Variants in C5orf58 observed in about 807,000 individuals in gnomAD.
C5orf58 encodes the protein chromosome 5 open reading frame 58.
In C5orf58, 2 loss-of-function variants were observed where a neutral mutation model predicts 2.9. The observed-to-expected ratio is 0.69, with a 90% CI of 0.28 to 2.18. The LOEUF (loss-of-function observed/expected upper bound fraction) is 2.18. Among genes scored for constraint, C5orf58 ranks in the 30% most tolerant of loss-of-function variants. C5orf58 has a pLI of 0.13. For missense variants in C5orf58, 96 were observed against 91.7 expected (o/e 1.05, Z -0.19); for synonymous variants, 37 against 33.4 (o/e 1.11, Z -0.37).
At chr5:170,237,315 C>T in intron 3 of C5orf58, 1 of 398,450 alleles carries the variant, frequency 2.5e-6, no homozygotes, top group Non-Finnish European at 4.4e-6. Flanking sequence ...TAATCCAGGA[C>T]TCTTCTAAGA....
At chr5:170,238,436 G>A (rs1191050678) in intron 3 of C5orf58, among the ~76,000 whole-genome samples, 1 of 152,106 alleles carries the variant, frequency 6.6e-6, no homozygotes, top group African/African-American at 2.4e-5. Flanking sequence ...GGAAAGTGTT[G>A]GTGATGGGGA....
At position 170,235,022 on chromosome 5, in the gene C5orf58, GTAAT is replaced by G. The variant is rs1760684282; in HGVS notation, c.50_53del (p.Ile17LysfsTer10). On this transcript the variant is annotated frameshift_variant, in exon 3 of 4. Transcript: ENST00000593851. LOFTEE classifies it high-confidence loss of function. ...TGATCATAAGCTAAATGTGGACAAA[GTAAT>G]TAAAAATATTAACACAATTTCTTCG... 6.4e-7 allele frequency: 1 copy of G among 1,552,208 alleles called. No homozygotes were observed. Among genetic ancestry groups the G allele is most frequent in the African/African-American group, 1.4e-5 (1 of 73,710 alleles).
intron 3 of C5orf58, among the ~76,000 whole-genome samples, chr5:170,241,239 G>A (rs1232421026): frequency 6.6e-6 from 1 of 152,100 alleles, no homozygotes; most frequent in Non-Finnish European, 1.5e-5. Context: ...TTTTGGCTTA[G>A]GATTGCCTTG....
Position 170,245,990 on chromosome 5 carries a change from T to C in C5orf58, c.123T>C (p.Leu41=). ...TCTCCCAGTTATTGCTTTGTGACCT[T>C]ATCCTACATTTTAATCATCCCATCA... ...KELSQLLLCD[L]ILHFNHPIKT... The change falls in exon 4 of 4, where the codon CTT becomes CTC. Residue 41 remains leucine (L), a synonymous_variant. Transcript: ENST00000593851. The C allele has an allele frequency of 6.2e-7, 1 of 1,613,726 alleles. No homozygotes were observed. The highest frequency in any genetic ancestry group is 1.3e-5 in the African/African-American group (1 of 75,058).
downstream of C5orf58, among the ~76,000 whole-genome samples, chr5:170,249,390 CTATA>C (rs200081642): frequency 7.1e-6 from 1 of 141,278 alleles, no homozygotes; most frequent in Non-Finnish European, 1.5e-5. Flanking sequence ...ATCTACATAT[CTATA>C]TATATATATA....
chr5:170,246,001 T>G lies in C5orf58; in HGVS notation c.134T>G (p.Phe45Cys), dbSNP rs768894926. 2 of 1,613,656 alleles carry G rather than the reference T, an allele frequency of 1.2e-6. No individual in the cohort carries two copies. The highest frequency in any genetic ancestry group is 1.7e-6 in the Non-Finnish European group (2 of 1,179,766). ...TTGCTTTGTGACCTTATCCTACATT[T>G]TAATCATCCCATCAAGACTGAGAAC... The part of the protein sequence containing the change: ...QLLLCDLILH[F>C]NHPIKTENLA... The change falls in exon 4 of 4, where the codon TTT (phenylalanine) becomes TGT (cysteine). Residue 45 changes from phenylalanine to cysteine, a missense_variant. Phe to Cys is a radical substitution (Grantham distance 205, BLOSUM62 -2). Coordinates refer to ENST00000593851, the MANE Select transcript of C5orf58 (RefSeq NM_001102609.3).
At chr5:170,249,326 C>A (rs575622727), downstream of C5orf58, among the ~76,000 whole-genome samples, 14 of 146,822 alleles carry the variant, frequency 9.5e-5, no homozygotes, top group Admixed American at 9.6e-4. Flanking sequence ...GAAACTCCAT[C>A]TCAAAAAAAA....
downstream of C5orf58, chr5:170,246,902 T>C (rs1362491102): frequency 2.0e-5 from 3 of 152,222 alleles, no homozygotes; most frequent in East Asian, 3.8e-4. Context: ...CTTCCCAACA[T>C]TGATTTCAGT....
chr5:170,244,633 C>T (rs1435260664), intron 3 of C5orf58, among the ~76,000 whole-genome samples: 2 of 151,816 alleles, frequency 1.3e-5, no homozygotes, highest in Non-Finnish European at 1.5e-5. Flanking sequence ...GCTCCATCAG[C>T]TCCTTTAAGC....
intron 3 of C5orf58, chr5:170,237,327 C>T (rs1760784755): frequency 2.5e-6 from 1 of 398,386 alleles, no homozygotes; most frequent in South Asian, 1.3e-4. Flanking sequence ...CTTCTAAGAG[C>T]TCTGCATAAA....
chr5:170,235,633 TGTCTCACTA>T (rs1324783010), intron 3 of C5orf58, among the ~76,000 whole-genome samples: 2 of 152,228 alleles, frequency 1.3e-5, no homozygotes, highest in East Asian at 3.8e-4. Flanking sequence ...GGGAACTTCC[TGTCTCACTA>T]GTCAATCCAT....
chr5:170,252,236 C>G (rs922275369), downstream of C5orf58: 3 of 394,760 alleles, frequency 7.6e-6, no homozygotes, highest in African/African-American at 6.1e-5. Context: ...TTCTGCCAGC[C>G]TAATGATTCC....
intron 2 of C5orf58, among the ~76,000 whole-genome samples, chr5:170,234,568 A>G (rs140805499): frequency 3.2e-4 from 48 of 152,350 alleles, no homozygotes; most frequent in African/African-American, 1.0e-3. Flanking sequence ...TGTGTACTTA[A>G]ATCATATGTG....
intron 3 of C5orf58, among the ~76,000 whole-genome samples, chr5:170,242,994 T>G (rs1197541090): frequency 6.9e-6 from 1 of 145,250 alleles, no homozygotes; most frequent in Non-Finnish European, 1.5e-5. Context: ...TTCTCGTTGG[T>G]TTCAAAGAAC....
intron 3 of C5orf58, among the ~76,000 whole-genome samples, chr5:170,239,235 T>C (rs1209658817): frequency 6.6e-6 from 1 of 152,178 alleles, no homozygotes; most frequent in African/African-American, 2.4e-5. Context: ...GAAAATGTCA[T>C]ATGACAAGAC....
In C5orf58 at chr5:170,246,212, A is replaced by G. The variant is rs1761285169; in HGVS notation, c.*99A>G. The G allele has an allele frequency of 3.0e-6, 3 of 984,334 alleles. No homozygotes were observed. The African/African-American group carries it at 4.9e-5, about 16-fold the overall frequency. 61.0% of individuals were successfully genotyped at this position (984,334 alleles called of 1,614,324 possible). ...GTATATATATAATTTAAAACAAAAT[A>G]AAAATAATGTAAACAAGCAGTTCAT... On this transcript the variant is annotated 3_prime_UTR_variant, in exon 4 of 4. Transcript: ENST00000593851.
downstream of C5orf58, chr5:170,247,328 A>G (rs1302517133): frequency 1.3e-5 from 2 of 152,214 alleles, no homozygotes; most frequent in African/African-American, 4.8e-5. Context: ...TCATCAGTTA[A>G]AAGTCTCTAC....
At chr5:170,239,699 T>C (rs1403586788) in intron 3 of C5orf58, among the ~76,000 whole-genome samples, 1 of 152,188 alleles carries the variant, frequency 6.6e-6, no homozygotes, top group Non-Finnish European at 1.5e-5. Flanking sequence ...TTTAGTGATA[T>C]AGCCGAGAAG....
downstream of C5orf58, chr5:170,252,347 A>T: frequency 1.4e-6 from 1 of 721,036 alleles, no homozygotes; most frequent in East Asian, 2.7e-5. Context: ...CAGAATTCCT[A>T]GCCTGTAATT....
Sources: allele counts gnomAD v4.1 joint callset (sites outside exome capture counted in the v4.1 genomes callset), GRCh38; gene constraint gnomAD v4.1.1; transcripts MANE v1.5; gene names NCBI Gene and HGNC (gene_info 2026-07-23, HGNC 2026-07-21).